The following NRXN3 variants were observed in gnomAD, a reference collection of about 807,000 sequenced individuals.
NRXN3 encodes neurexin III.
NRXN3 carries 32 observed loss-of-function variants against 137.6 expected under a neutral mutation model. The observed-to-expected ratio is 0.23, with a 90% CI of 0.18 to 0.31. The LOEUF (loss-of-function observed/expected upper bound fraction) is 0.31, where lower values mean the gene tolerates loss of function less well. Ranked by LOEUF, NRXN3 falls within the 10% of genes least tolerant of loss-of-function variation. The pLI, the probability that NRXN3 is intolerant of heterozygous loss-of-function variation, is 1.00. For missense variants in NRXN3, 1,574 were observed against 2,062.5 expected (o/e 0.76, Z 4.59); for synonymous variants, 798 against 784.5 (o/e 1.02, Z -0.29).
At chr14:79,271,848 C>T (rs770824439) in intron 15 of NRXN3, among the ~76,000 whole-genome samples, 159 of 152,208 alleles carry the variant, frequency 1.0e-3, no homozygotes, top group Non-Finnish European at 1.5e-3. Context: ...TAATAGTGAA[C>T]GTCAATTTAC....
intron 20 of NRXN3, among the ~76,000 whole-genome samples, chr14:79,813,521 T>C (rs2099242102): frequency 1.3e-5 from 2 of 152,284 alleles, no homozygotes; most frequent in Admixed American, 6.5e-5. Context: ...ATCATTATTT[T>C]CAAATACTGA....
chr14:78,965,673 A>G (rs1019929767), intron 11 of NRXN3, among the ~76,000 whole-genome samples: 2 of 152,196 alleles, frequency 1.3e-5, no homozygotes, highest in African/African-American at 2.4e-5. Context: ...GTGTCTTTAC[A>G]AGGGTCAGAG....
chr14:78,653,771 A>G lies in NRXN3; in HGVS notation c.1221+2445A>G, dbSNP rs531242095. Among the ~76,000 whole-genome samples, 3 of 149,308 alleles carry G rather than the reference A, an allele frequency of 2.0e-5. No homozygotes were observed. The South Asian group carries it at 6.5e-4, about 32-fold the overall frequency. ...TTTGCTGCCCAGATAGAGAGCAGAAAGCTTCAAAAGTCTGTCAGAATCATT... is the reference window on the plus strand; with the variant it reads ...TTTGCTGCCCAGATAGAGAGCAGAAGGCTTCAAAAGTCTGTCAGAATCATT... On this transcript the variant is annotated intron_variant, in intron 6 of 20. Coordinates refer to ENST00000335750, the MANE Select transcript of NRXN3 (RefSeq NM_001330195.2).
intron 10 of NRXN3, among the ~76,000 whole-genome samples, chr14:78,895,331 T>C (rs1195554647): frequency 1.3e-5 from 2 of 151,936 alleles, no homozygotes; most frequent in East Asian, 3.9e-4. Context: ...TTTTATGTTA[T>C]AGAGATGATT....
chr14:78,790,801 G>A (rs2098803068), intron 8 of NRXN3, among the ~76,000 whole-genome samples: 1 of 152,186 alleles, frequency 6.6e-6, no homozygotes, highest in Admixed American at 6.5e-5. Flanking sequence ...AAGGGCTGGT[G>A]GGAGTATAGT....
chr14:78,786,758 T>G (rs2098790417), intron 8 of NRXN3, among the ~76,000 whole-genome samples: 1 of 152,194 alleles, frequency 6.6e-6, no homozygotes, highest in South Asian at 2.1e-4. Flanking sequence ...TATGTACACA[T>G]ATGTATTTAA....
intron 10 of NRXN3, among the ~76,000 whole-genome samples, chr14:78,914,840 A>AG (rs2099250601): frequency 6.6e-6 from 1 of 152,014 alleles, no homozygotes; most frequent in African/African-American, 2.4e-5. Flanking sequence ...AATGGAATGA[A>AG]GGGGGCAACG....
intron 4 of NRXN3, among the ~76,000 whole-genome samples, chr14:78,433,130 C>T (rs1462830553): frequency 6.6e-6 from 1 of 152,138 alleles, no homozygotes; most frequent in East Asian, 1.9e-4. Flanking sequence ...CCTATCCAAG[C>T]TCAGGCCTAT....
chr14:79,603,324 G>T (rs1007637855), intron 16 of NRXN3, among the ~76,000 whole-genome samples: 1 of 152,144 alleles, frequency 6.6e-6, no homozygotes, highest in African/African-American at 2.4e-5. Context: ...CATCTTTCAA[G>T]CCTCATCTAC....
rs1263492798 is a variant in NRXN3 at position 79,386,920 on chromosome 14, C to T, written c.3263-80301C>T. Among the ~76,000 whole-genome samples the T allele has an allele frequency of 7.2e-5, 11 of 152,140 alleles. No individual in the cohort carries two copies. The East Asian group carries it at 1.5e-3, about 21-fold the overall frequency. On this transcript the variant is annotated intron_variant, in intron 15 of 20. Coordinates refer to ENST00000335750, the MANE Select transcript of NRXN3 (RefSeq NM_001330195.2). ...CCATATGTAGAAAGCTGACACTGGA[C>T]CACTTCCTTACACCTTATACAAAAA... is the stretch of plus-strand genomic sequence containing the variant.
intron 15 of NRXN3, among the ~76,000 whole-genome samples, chr14:79,266,751 A>C (rs1362309127): frequency 6.6e-6 from 1 of 152,182 alleles, no homozygotes; most frequent in Non-Finnish European, 1.5e-5. Context: ...TGGTTTTGTG[A>C]TGGGAACACA....
intron 8 of NRXN3, among the ~76,000 whole-genome samples, chr14:78,717,930 G>A (rs1333462078): frequency 6.6e-6 from 1 of 152,222 alleles, no homozygotes; most frequent in Non-Finnish European, 1.5e-5. Context: ...TATGGAAGGA[G>A]TGATGGCCCA....
chr14:79,652,398 G>T (rs540343568), intron 16 of NRXN3, among the ~76,000 whole-genome samples: 12,115 of 152,006 alleles, frequency 0.08, 1,624 homozygotes, highest in African/African-American at 0.28. Flanking sequence ...ATAAACTCAT[G>T]GATAATTTGT....
intron 4 of NRXN3, among the ~76,000 whole-genome samples, chr14:78,532,085 A>C (rs1167839994): frequency 6.6e-6 from 1 of 150,688 alleles, no homozygotes; most frequent in Non-Finnish European, 1.5e-5. Flanking sequence ...TAGGTGGATC[A>C]CCTGAGGTTG....
chr14:79,304,906 T>A (rs2085784352), intron 15 of NRXN3, among the ~76,000 whole-genome samples: 1 of 152,024 alleles, frequency 6.6e-6, no homozygotes, highest in African/African-American at 2.4e-5. Context: ...AAGGCAAACA[T>A]GTATATGAGA....
intron 15 of NRXN3, among the ~76,000 whole-genome samples, chr14:78,995,895 T>A (rs908969400): frequency 5.3e-5 from 8 of 152,182 alleles, no homozygotes; most frequent in Admixed American, 2.6e-4. Flanking sequence ...AGCAAAAATC[T>A]CTTAACCTTT....
chr14:78,614,878 G>T (rs1056113152), intron 4 of NRXN3: 1 of 452,002 alleles, frequency 2.2e-6, no homozygotes, highest in Non-Finnish European at 4.5e-6. Flanking sequence ...TAATAGACTA[G>T]CTGGGGGCTC....
intron 15 of NRXN3, among the ~76,000 whole-genome samples, chr14:78,994,618 A>T (rs2153088442): frequency 6.6e-6 from 1 of 152,354 alleles, no homozygotes; most frequent in African/African-American, 2.4e-5. Context: ...TGTATAACTT[A>T]TTAAATGATA....
intron 15 of NRXN3, among the ~76,000 whole-genome samples, chr14:79,239,858 C>A (rs2074000470): frequency 6.6e-6 from 1 of 152,152 alleles, no homozygotes; most frequent in South Asian, 2.1e-4. Flanking sequence ...CCATTTGCAG[C>A]AGCATGGATA....
Sources: allele counts gnomAD v4.1 joint callset (sites outside exome capture counted in the v4.1 genomes callset), GRCh38; gene constraint gnomAD v4.1.1; transcripts MANE v1.5; gene names NCBI Gene and HGNC (gene_info 2026-07-23, HGNC 2026-07-21).